SLCO4A1: variants seen among roughly 807,000 people sequenced by gnomAD.
The protein encoded by SLCO4A1 is colon organic anion transporter.
SLCO4A1 carries 51 observed loss-of-function variants against 64.6 expected under a neutral mutation model. That is an observed-to-expected ratio of 0.79 (90% CI 0.63 to 1.00). The LOEUF is 1.00. Among genes scored for constraint, SLCO4A1 ranks in the 50% least tolerant of loss-of-function variants. The pLI is 0.00. For synonymous variants in SLCO4A1, 471 were observed against 444.9 expected (o/e 1.06, Z -0.74); for missense variants, 919 against 980.5 (o/e 0.94, Z 0.84).
In SLCO4A1 at chr20:62,658,609, G is replaced by T. The variant is rs1984189906; in HGVS notation, c.797-68G>T. ...GTGCGGGGCTTCTCCCAGGCACGGG[G>T]CCCCACACGGCCCTCCGCAGCCCCT... On this transcript the variant is annotated intron_variant, in intron 2 of 11. Transcript: ENST00000217159. The T allele has an allele frequency of 3.8e-6, 5 of 1,318,268 alleles. No homozygotes were observed. The Admixed American group carries it at 8.0e-5, about 21-fold the overall frequency. The allele number at this position is 1,318,268 out of a possible 1,614,324, so 81.7% of individuals were successfully genotyped here.
intron 1 of SLCO4A1, among the ~76,000 whole-genome samples, chr20:62,647,726 G>A (rs994440155): frequency 6.6e-6 from 1 of 152,270 alleles, no homozygotes; most frequent in African/African-American, 2.4e-5. Context: ...GCTTCTAGAA[G>A]TGGCACAGGC....
At chr20:62,658,068 G>A (rs911122049) in intron 2 of SLCO4A1, among the ~76,000 whole-genome samples, 5 of 152,122 alleles carry the variant, frequency 3.3e-5, no homozygotes, top group Admixed American at 6.5e-5. Context: ...ACTTCTCGGC[G>A]TCCCCCTGCC....
intron 11 of SLCO4A1, chr20:62,669,953 T>G (rs1986994471): frequency 6.6e-6 from 1 of 152,236 alleles, no homozygotes; most frequent in Non-Finnish European, 1.5e-5. Flanking sequence ...TTCCACAGTT[T>G]CAGTTACCAG....
At position 62,672,057 on chromosome 20, in the gene SLCO4A1, C is replaced by A. The variant is rs188450228; in HGVS notation, c.*164C>A. 6.5e-7 allele frequency: 1 copy of A among 1,527,866 alleles called. No individual in the cohort carries two copies. The highest frequency in any genetic ancestry group is 8.8e-7 in the Non-Finnish European group (1 of 1,139,426). 94.6% of individuals were successfully genotyped at this position (1,527,866 alleles called of 1,614,324 possible). A position where few individuals can be genotyped will look rare whatever the true frequency, so the allele number is the denominator to read the frequency against. On this transcript the variant is annotated 3_prime_UTR_variant, in exon 12 of 12. Coordinates refer to ENST00000217159, the MANE Select transcript of SLCO4A1 (RefSeq NM_016354.4). ...GTGACCTCCTGTCCCCAGAGCTGTACGGCCCTGCAGTGGGTGGGAGGAACT... is the reference window on the plus strand; with the variant it reads ...GTGACCTCCTGTCCCCAGAGCTGTAAGGCCCTGCAGTGGGTGGGAGGAACT...
intron 1 of SLCO4A1, among the ~76,000 whole-genome samples, chr20:62,655,422 C>T (rs1308764515): frequency 6.6e-6 from 1 of 152,210 alleles, no homozygotes; most frequent in African/African-American, 2.4e-5. Flanking sequence ...CGGTTTATTT[C>T]TGACGGGGAA....
rs1301935998 is a variant in SLCO4A1 at position 62,662,747 on chromosome 20, C to T, written c.1121+1572C>T. Among the ~76,000 whole-genome samples the T allele has an allele frequency of 4.9e-5, 7 of 143,884 alleles. No individual in the cohort carries two copies. In the East Asian group the frequency reaches 1.2e-3, roughly 25 times the overall value. The allele number at this position is 143,884 out of a possible 152,430, so 94.4% of individuals were successfully genotyped here. ...CCAGGGTGCCCACCCCAGCCCCATC[C>T]CCCCATATGCCAGGACCCCCCCAGG... On this transcript the variant is annotated intron_variant, in intron 5 of 11. Coordinates refer to ENST00000217159, the MANE Select transcript of SLCO4A1 (RefSeq NM_016354.4).
Position 62,656,855 on chromosome 20 carries a change from G to C in SLCO4A1, c.401G>C (p.Arg134Pro), listed in dbSNP as rs79135275. Residue 134 changes from arginine (R) to proline (P), a missense_variant, in exon 2 of 12, where the codon CGC becomes CCC. By Grantham distance (103) the Arg-to-Pro change is moderately radical. Transcript: ENST00000217159. ...INTVITSLER[R>P]YDLHSYQSGL... is the part of the protein sequence containing the mutation. ...ACAGTCATCACCTCCCTGGAGCGCCGCTATGACCTGCACAGCTACCAGAGC... is the reference window on the plus strand; with the variant it reads ...ACAGTCATCACCTCCCTGGAGCGCCCCTATGACCTGCACAGCTACCAGAGC... The C allele has an allele frequency of 6.2e-7, 1 of 1,601,438 alleles. No homozygotes were observed. The highest frequency in any genetic ancestry group is 2.2e-5 in the East Asian group (1 of 44,620).
chr20:62,649,335 C>G (rs1381828997), intron 1 of SLCO4A1: 1 of 152,288 alleles, frequency 6.6e-6, no homozygotes, highest in Non-Finnish European at 1.5e-5. Context: ...CGAGGCCCAC[C>G]ACCCTGGGGA....
chr20:62,680,951 C>G (rs1033438528), intron 2 of SLCO4A1, among the ~76,000 whole-genome samples: 1 of 152,204 alleles, frequency 6.6e-6, no homozygotes, highest in African/African-American at 2.4e-5. Context: ...GTCACCTGGG[C>G]TGGATCACGG....
At chr20:62,662,672 A>G (rs1985211662) in intron 5 of SLCO4A1, among the ~76,000 whole-genome samples, 1 of 152,162 alleles carries the variant, frequency 6.6e-6, no homozygotes, top group African/African-American at 2.4e-5. Context: ...ACGCAGCCAC[A>G]CACCCCGGAG....
At chr20:62,662,023 C>A (rs1985048170) in intron 5 of SLCO4A1, among the ~76,000 whole-genome samples, 2 of 152,158 alleles carry the variant, frequency 1.3e-5, no homozygotes, top group Non-Finnish European at 2.9e-5. Flanking sequence ...GCCCTTGTAG[C>A]AGCAGGTCCC....
intron 7 of SLCO4A1, chr20:62,667,370 A>G: frequency 4.6e-6 from 1 of 219,428 alleles, no homozygotes; most frequent in Non-Finnish European, 9.1e-6. Flanking sequence ...AGAACCGAGG[A>G]CTGGGGTGGG....
intron 2 of SLCO4A1, among the ~76,000 whole-genome samples, chr20:62,679,299 C>A (rs1600695195): frequency 6.6e-6 from 1 of 152,092 alleles, no homozygotes; most frequent in East Asian, 1.9e-4. Context: ...GGTCATGAAG[C>A]TATCTGTGTC....
At chr20:62,655,428 G>C (rs747823661) in intron 1 of SLCO4A1, among the ~76,000 whole-genome samples, 4 of 152,206 alleles carry the variant, frequency 2.6e-5, no homozygotes, top group African/African-American at 7.2e-5. Context: ...ATTTCTGACG[G>C]GGAAAGCCCT....
intron 5 of SLCO4A1, among the ~76,000 whole-genome samples, chr20:62,664,121 G>C (rs1985616012): frequency 6.6e-6 from 1 of 151,748 alleles, no homozygotes; most frequent in Non-Finnish European, 1.5e-5. Context: ...CTTATCCTGA[G>C]ACCCCACAGC....
In SLCO4A1 at chr20:62,660,486, C is replaced by CT. The variant is rs1383665874; in HGVS notation, c.965dup (p.Phe323LeufsTer230). 6.2e-7 allele frequency: 1 copy of CT among 1,604,740 alleles called. No individual in the cohort carries two copies. Among genetic ancestry groups the CT allele is most frequent in the Non-Finnish European group, 8.5e-7 (1 of 1,179,928 alleles). On this transcript the variant is annotated frameshift_variant, in exon 4 of 12. Coordinates refer to ENST00000217159, the MANE Select transcript of SLCO4A1 (RefSeq NM_016354.4). LOFTEE classifies it high-confidence loss of function. ...GGCTTCCTGGGCTCTGGGGCCGCTG[C>CT]TTTCTTCACCGCCGTTCCCATCCTT... is the stretch of plus-strand genomic sequence containing the variant.
At chr20:62,688,250 G>A (rs1182324479), downstream of SLCO4A1, among the ~76,000 whole-genome samples, 3 of 152,170 alleles carry the variant, frequency 2.0e-5, no homozygotes, top group Non-Finnish European at 4.4e-5. Context: ...AGGATCCCTG[G>A]GGTCCCTACG....
Position 62,661,702 on chromosome 20 carries a change from C to G in SLCO4A1, c.1121+527C>G, listed in dbSNP as rs974217423. On this transcript the variant is annotated intron_variant, in intron 5 of 11. Coordinates refer to ENST00000217159, the MANE Select transcript of SLCO4A1 (RefSeq NM_016354.4). This position sits in a 1 kb window ranked among gnomAD's most constrained non-coding sequence, Gnocchi z 5.2. ...CCCTCAGAGTCTCTGAGGACCTCCC[C>G]CCTCTACCCGGCGTGTCCCGCTCAC... Among the ~76,000 whole-genome samples, 1 of 151,812 alleles carries G rather than the reference C, an allele frequency of 6.6e-6. No individual in the cohort carries two copies. Among genetic ancestry groups the G allele is most frequent in the Non-Finnish European group, 1.5e-5 (1 of 67,902 alleles).
At chr20:62,654,677 G>A (rs1983313802) in intron 1 of SLCO4A1, among the ~76,000 whole-genome samples, 1 of 152,184 alleles carries the variant, frequency 6.6e-6, no homozygotes, top group South Asian at 2.1e-4. Flanking sequence ...AGCCTCCCAG[G>A]TTGTGATGTT....
Sources: gnomAD v4.1 joint callset for allele counts (sites outside exome capture counted in the v4.1 genomes callset) on GRCh38, gnomAD v4.1.1 for gene constraint, Gnocchi (gnomAD v3.1) non-coding constraint, MANE v1.5 for transcripts, NCBI Gene and HGNC (gene_info 2026-07-23, HGNC 2026-07-21) for gene names.